FCAMR: variants seen among roughly 807,000 people sequenced by gnomAD.
FCAMR encodes the protein high affinity immunoglobulin alpha and immunoglobulin mu Fc receptor.
Under a neutral mutation model 52.2 loss-of-function variants are expected in FCAMR, and 51 were observed. The ratio of observed to expected loss-of-function variants is 0.98; its 90% CI spans 0.78 to 1.23. The LOEUF is 1.23. FCAMR is among the 50% of genes most tolerant of loss of function. FCAMR has a pLI of 0.00. For missense variants in FCAMR, 719 were observed against 712.6 expected (o/e 1.01, Z -0.10); for synonymous variants, 282 against 262.0 (o/e 1.08, Z -0.74).
Position 206,970,185 on chromosome 1 carries a change from G to A in FCAMR, c.-60C>T, listed in dbSNP as rs1038737728. The A allele has an allele frequency of 1.9e-6, 3 of 1,591,064 alleles. No homozygotes were observed. The highest frequency in any genetic ancestry group is 1.1e-5 in the South Asian group (1 of 90,326). On this transcript the variant is annotated 5_prime_UTR_variant, in exon 1 of 8. Coordinates refer to ENST00000324852, the MANE Select transcript of FCAMR (RefSeq NM_001170631.2). ...TTCTCCTTATGAGATGCAGGTGTTT[G>A]GACGACTTCTAGTTGCTCTCCTTTA...
At chr1:206,964,301 G>T (rs893495000) in intron 4 of FCAMR, among the ~76,000 whole-genome samples, 7 of 152,030 alleles carry the variant, frequency 4.6e-5, no homozygotes, top group Non-Finnish European at 1.0e-4. Context: ...AACATCTTGC[G>T]GTAGGATGTG....
chr1:206,968,828 C>T (rs1424121295), intron 1 of FCAMR, among the ~76,000 whole-genome samples: 1 of 152,170 alleles, frequency 6.6e-6, no homozygotes, highest in Non-Finnish European at 1.5e-5. Flanking sequence ...AGCTTGTTTT[C>T]CTGCAACTAG....
rs777575031 is a variant in FCAMR, at chr1:206,958,524, C to T, written c.1726G>A (p.Gly576Arg). The change falls in exon 8 of 8, where the codon GGA (glycine) becomes AGA (arginine). Residue 576 changes from glycine (G) to arginine (R), a missense_variant. Gly to Arg is a moderately radical substitution (Grantham distance 125). Coordinates refer to ENST00000324852, the MANE Select transcript of FCAMR (RefSeq NM_001170631.2). ...GTTCATCTCTCTGTCCCTCAGGGTC[C>T]TGGATTTCTCTCTGGGGCAGTCAGG... Reference protein sequence around the residue: ...ASLTAPERNPGP With the variant: ...ASLTAPERNPRP 1 of 1,612,100 alleles carries T rather than the reference C, an allele frequency of 6.2e-7. No homozygotes were observed. Among genetic ancestry groups the T allele is most frequent in the Non-Finnish European group, 8.5e-7 (1 of 1,179,634 alleles).
rs1431844445 is a variant in FCAMR at position 206,958,368 on chromosome 1, C to A, written c.*148G>T. On this transcript the variant is annotated 3_prime_UTR_variant, in exon 8 of 8. Transcript: ENST00000324852. ...TTGACTTTCTTGGGCCCAAGGACAG[C>A]CAGCCTTTCTTCCATGGGTGGAGCA... is the stretch of plus-strand genomic sequence containing the variant. The A allele has an allele frequency of 1.1e-6, 1 of 895,274 alleles. No individual in the cohort carries two copies. The highest frequency in any genetic ancestry group is 1.7e-5 in the African/African-American group (1 of 58,880). The allele number at this position is 895,274 out of a possible 1,614,324, so 55.5% of individuals were successfully genotyped here.
intron 4 of FCAMR, among the ~76,000 whole-genome samples, chr1:206,963,853 C>A (rs577376325): frequency 6.6e-6 from 1 of 152,330 alleles, no homozygotes; most frequent in Non-Finnish European, 1.5e-5. Flanking sequence ...GTCGTTCTCT[C>A]CTTATGAGAA....
chr1:206,967,124 A>AGGCCTGAGAGAAGCCTCTTTTGAGG lies in FCAMR; in HGVS notation c.109-13_109-12insCCTCAAAAGAGGCTTCTCTCAGGCC. The AGGCCTGAGAGAAGCCTCTTTTGAGG allele has an allele frequency of 6.2e-7, 1 of 1,613,090 alleles. No individual in the cohort carries two copies. Among genetic ancestry groups the AGGCCTGAGAGAAGCCTCTTTTGAGG allele is most frequent in the Admixed American group, 1.7e-5 (1 of 59,934 alleles). Reference sequence around the variant, plus strand: ...CTCCTGCTGGTGACCTGCAAAAAACACTCTAAATGAAAAGAGGCCTGAGAG... The same window carrying AGGCCTGAGAGAAGCCTCTTTTGAGG: ...CTCCTGCTGGTGACCTGCAAAAAACAGGCCTGAGAGAAGCCTCTTTTGAGGCTCTAAATGAAAAGAGGCCTGAGAG... On this transcript the variant is annotated splice_polypyrimidine_tract_variant and intron_variant, in intron 2 of 7. Transcript: ENST00000324852.
chr1:206,967,141 G>A, intron 2 of FCAMR, 29 bp from the exon 3 acceptor site: 1 of 1,611,178 alleles, frequency 6.2e-7, no homozygotes, highest in Non-Finnish European at 8.5e-7. Context: ...ATGAAAAGAG[G>A]CCTGAGAGAA....
chr1:206,969,408 A>G (rs1267430286), intron 1 of FCAMR: 1 of 407,162 alleles, frequency 2.5e-6, no homozygotes, highest in East Asian at 7.5e-5. Context: ...CTCTCTGCCA[A>G]TGACCTTCAG....
chr1:206,964,567 C>G (rs1319374201), intron 4 of FCAMR, among the ~76,000 whole-genome samples: 4 of 151,990 alleles, frequency 2.6e-5, no homozygotes, highest in Admixed American at 6.6e-5. Context: ...GGCCTCCCCC[C>G]ACCCCTTCTC....
In FCAMR at chr1:206,960,795, C is replaced by A; in HGVS notation, c.1081G>T (p.Gly361Trp). The change falls in exon 6 of 8, where the codon GGG (glycine) becomes TGG (tryptophan). Residue 361 changes from glycine to tryptophan, a missense_variant. By Grantham distance (184) the Gly-to-Trp change is radical. Coordinates refer to ENST00000324852, the MANE Select transcript of FCAMR (RefSeq NM_001170631.2). Reference protein sequence around the residue: ...KADRPREDIEGVRIALDAAKK... With the variant: ...KADRPREDIEWVRIALDAAKK... Reference sequence around the variant, plus strand: ...GCTGCATCAAGAGCTATCCTGACCCCCTCTATGTCCTCCCTTGGCCTATCA... The same window carrying A: ...GCTGCATCAAGAGCTATCCTGACCCACTCTATGTCCTCCCTTGGCCTATCA... The A allele has an allele frequency of 1.9e-6, 3 of 1,552,384 alleles. No homozygotes were observed. The highest frequency in any genetic ancestry group is 2.6e-6 in the Non-Finnish European group (3 of 1,147,142).
intron 4 of FCAMR, 141 bp from the exon 5 acceptor site, chr1:206,962,692 A>T (rs1251661526): frequency 1.4e-6 from 1 of 690,050 alleles, no homozygotes; most frequent in Non-Finnish European, 2.3e-6. Flanking sequence ...TCAATATAAA[A>T]ATGGCAGAAC....
rs555854947 is a variant in FCAMR at position 206,958,566 on chromosome 1, G to A, written c.1684C>T (p.Leu562Phe). 5.8e-5 allele frequency: 93 copies of A among 1,613,574 alleles called. No individual in the cohort carries two copies. The highest frequency in any genetic ancestry group is 3.3e-5 in the Admixed American group (2 of 60,028). ...GCAGTCAGGCTGGCCCCAGCAGGAA[G>A]AGAGTCATCCTGGAGCATCTTTCTT... is the stretch of plus-strand genomic sequence containing the variant. ...VERKMLQDDSLPAGASLTAPE... is the reference protein window; with the variant it reads ...VERKMLQDDSFPAGASLTAPE... The change falls in exon 8 of 8, where the codon CTT (leucine) becomes TTT (phenylalanine). Residue 562 changes from leucine (L) to phenylalanine (F), a missense_variant. Leu to Phe is a conservative substitution (Grantham distance 22, BLOSUM62 0). Coordinates refer to ENST00000324852, the MANE Select transcript of FCAMR (RefSeq NM_001170631.2).
chr1:206,959,010 A>T, intron 7 of FCAMR: 1 of 495,674 alleles, frequency 2.0e-6, no homozygotes, highest in Non-Finnish European at 4.1e-6. Flanking sequence ...AAAGGGGGAA[A>T]ATGCGAGGTT....
chr1:206,959,645 C>T (rs1239554197), intron 7 of FCAMR, 34 bp downstream of exon 7: 2 of 1,571,674 alleles, frequency 1.3e-6, no homozygotes, highest in African/African-American at 2.7e-5. Flanking sequence ...GGAACCAGAA[C>T]TCTTCTATCT....
chr1:206,970,407 G>C lies in FCAMR; in HGVS notation c.-282C>G. 2.6e-6 allele frequency: 1 copy of C among 386,438 alleles called. No individual in the cohort carries two copies. The highest frequency in any genetic ancestry group is 4.7e-6 in the Non-Finnish European group (1 of 214,972). 23.9% of individuals were successfully genotyped at this position (386,438 alleles called of 1,614,324 possible). On this transcript the variant is annotated 5_prime_UTR_variant, in exon 1 of 8. Transcript: ENST00000324852. ...ATTCCTGAAGAACTTTTCCAGGAGT[G>C]GTAACAGTAGCTTCAAAAAAGAAAA...
intron 1 of FCAMR, chr1:206,969,441 G>A: frequency 5.3e-6 from 2 of 379,430 alleles, no homozygotes; most frequent in South Asian, 2.0e-5. Context: ...CAGGAGACAG[G>A]GGGCCATAAT....
At position 206,967,099 on chromosome 1, in the gene FCAMR, C is replaced by T. The variant is rs1680745327; in HGVS notation, c.122G>A (p.Arg41Lys). Residue 41 changes from arginine (R) to lysine (K), a missense_variant, in exon 3 of 8, where the codon AGG becomes AAG. Arg to Lys is a conservative substitution (Grantham distance 26). Transcript: ENST00000324852. Reference protein sequence around the residue: ...TLPQSHVTSRRAGWKMPLFLI... With the variant: ...TLPQSHVTSRKAGWKMPLFLI... ...GAAGAGGGGCATTTTCCATCCCGCC[C>T]TCCTGCTGGTGACCTGCAAAAAACA... 6 of 1,613,976 alleles carry T rather than the reference C, an allele frequency of 3.7e-6. No individual in the cohort carries two copies. The Admixed American group carries it at 8.3e-5, about 22-fold the overall frequency.
intron 4 of FCAMR, among the ~76,000 whole-genome samples, chr1:206,963,403 C>A (rs1335573934): frequency 6.6e-6 from 1 of 152,194 alleles, no homozygotes; most frequent in Non-Finnish European, 1.5e-5. Context: ...TTCATTCTTT[C>A]TCTCACTGCC....
intron 4 of FCAMR, among the ~76,000 whole-genome samples, chr1:206,964,202 C>T (rs983276316): frequency 6.6e-6 from 1 of 152,118 alleles, no homozygotes; most frequent in African/African-American, 2.4e-5. Flanking sequence ...ATGATTCTCT[C>T]CCTCCTTCAT....
Sources: gnomAD v4.1 joint callset for allele counts (sites outside exome capture counted in the v4.1 genomes callset) on GRCh38, gnomAD v4.1.1 for gene constraint, MANE v1.5 for transcripts, NCBI Gene and HGNC (gene_info 2026-07-23, HGNC 2026-07-21) for gene names.